The following KCNQ1 variants were observed in gnomAD, a reference collection of about 807,000 sequenced individuals.
KCNQ1 encodes potassium voltage-gated channel subfamily KQT member 1.
KCNQ1 carries 49 observed loss-of-function variants against 72.4 expected under a neutral mutation model. That is an observed-to-expected ratio of 0.68 (90% confidence interval 0.54 to 0.86). KCNQ1 has a LOEUF of 0.86. Among genes scored for constraint, KCNQ1 ranks in the 40% least tolerant of loss-of-function variants. The pLI, the probability that KCNQ1 is intolerant of heterozygous loss-of-function variation, is 0.00. For synonymous variants in KCNQ1, 450 were observed against 412.6 expected (o/e 1.09, Z -1.10); for missense variants, 790 against 945.1 (o/e 0.84, Z 2.15).
rs141879881 is a variant in KCNQ1, at chr11:2,670,207, G to A, written c.1514+8126G>A. 1.7e-3 allele frequency: 676 copies of A among 398,592 alleles called. 3 individuals carry two copies. The highest frequency in any genetic ancestry group is 5.7e-3 in the Middle Eastern group (9 of 1,590). 24.7% of individuals were successfully genotyped at this position (398,592 alleles called of 1,614,324 possible). On this transcript the variant is annotated intron_variant, in intron 11 of 15. Coordinates refer to ENST00000155840, the MANE Select transcript of KCNQ1 (RefSeq NM_000218.3). This position sits in a 1 kb window ranked among gnomAD's most constrained non-coding sequence, Gnocchi z 4.9. ...ATTAAAGCAGAGTGAAGAGCAGGGC[G>A]AGCTGTGTAGCTCACCTGCCTTTGA...
At position 2,840,739 on chromosome 11, in the gene KCNQ1, G is replaced by A. The variant is rs541466362; in HGVS notation, c.1795-7028G>A. On this transcript the variant is annotated intron_variant, in intron 15 of 15. Transcript: ENST00000155840. The stretch of plus-strand genomic sequence containing the variant: ...GGAAAAACATGTGTGATGTGTACTT[G>A]ACATCTTTCTTAACATAGAGTCCTT... 7.2e-5 allele frequency among the ~76,000 whole-genome samples: 11 copies of A among 152,308 alleles called. No individual in the cohort carries two copies. In the South Asian group the frequency reaches 1.7e-3, roughly 23 times the overall value.
In KCNQ1 at chr11:2,676,091, G is replaced by A. The variant is rs1850288607; in HGVS notation, c.1514+14010G>A. 2.5e-6 allele frequency: 1 copy of A among 398,500 alleles called. No individual in the cohort carries two copies. Among genetic ancestry groups the A allele is most frequent in the African/African-American group, 2.1e-5 (1 of 48,608 alleles). The allele number at this position is 398,500 out of a possible 1,614,324, so 24.7% of individuals were successfully genotyped here. On this transcript the variant is annotated intron_variant, in intron 11 of 15. Transcript: ENST00000155840. This position sits in a 1 kb window ranked among gnomAD's most constrained non-coding sequence, Gnocchi z 4.2. ...TATATAAACAAATATACGTGTGTCTGTGTGTGCATGTACTTAGTAGATACG... is the reference window on the plus strand; with the variant it reads ...TATATAAACAAATATACGTGTGTCTATGTGTGCATGTACTTAGTAGATACG...
chr11:2,796,774 C>T (rs1165167524), intron 15 of KCNQ1, among the ~76,000 whole-genome samples: 3 of 152,336 alleles, frequency 2.0e-5, no homozygotes, highest in South Asian at 2.1e-4. Context: ...CAGCGGCTCT[C>T]GGCCTGTCCT....
intron 11 of KCNQ1, chr11:2,667,472 G>C: frequency 2.5e-6 from 1 of 398,270 alleles, no homozygotes. Context: ...TGGTGTTGGA[G>C]GATGTGACAG....
chr11:2,791,515 AGAT>A (rs1847021877), intron 15 of KCNQ1, among the ~76,000 whole-genome samples: 2 of 152,044 alleles, frequency 1.3e-5, no homozygotes, highest in African/African-American at 4.8e-5. Flanking sequence ...CATCAAAAAT[AGAT>A]GTCCCGACCC....
chr11:2,630,300 A>T (rs1300702426), intron 10 of KCNQ1: 2 of 398,260 alleles, frequency 5.0e-6, no homozygotes, highest in Non-Finnish European at 8.9e-6. Flanking sequence ...TGTGCTGTTA[A>T]ATTCAGTTTG....
At position 2,450,134 on chromosome 11, in the gene KCNQ1, A is replaced by G. The variant is rs979458551; in HGVS notation, c.386+4650A>G. ...GCCCTCCGTAGCCCTGACATTCCAA[A>G]CTGGCTTTTGGCCCCTGCGATATCT... On this transcript the variant is annotated intron_variant, in intron 1 of 15. Transcript: ENST00000155840. This position sits in a 1 kb window ranked among gnomAD's most constrained non-coding sequence, Gnocchi z 7.9. 7.2e-5 allele frequency among the ~76,000 whole-genome samples: 11 copies of G among 152,154 alleles called. No homozygotes were observed. Among genetic ancestry groups the G allele is most frequent in the African/African-American group, 2.7e-4 (11 of 41,504 alleles).
Position 2,657,520 on chromosome 11 carries a change from T to G in KCNQ1, c.1394-4441T>G. ...TTTATTTACAGAAGAGAAACAAAAA[T>G]AGTACCGAGTACCCACATCCCTTTC... is the stretch of plus-strand genomic sequence containing the variant. On this transcript the variant is annotated intron_variant, in intron 10 of 15. Transcript: ENST00000155840. The surrounding 1 kb of genome is among the most constrained non-coding windows in gnomAD (Gnocchi z 4.8). 2.5e-6 allele frequency: 1 copy of G among 398,584 alleles called. No individual in the cohort carries two copies. Among genetic ancestry groups the G allele is most frequent in the East Asian group, 3.6e-5 (1 of 28,054 alleles). The allele number at this position is 398,584 out of a possible 1,614,324, so 24.7% of individuals were successfully genotyped here.
At position 2,601,823 on chromosome 11, in the gene KCNQ1, A is replaced by G. The variant is rs898273479; in HGVS notation, c.1393+12969A>G. On this transcript the variant is annotated intron_variant, in intron 10 of 15. Transcript: ENST00000155840. The surrounding 1 kb of genome is among the most constrained non-coding windows in gnomAD (Gnocchi z 5.2). ...AGTTTATTTAACCATTCCCTCATCC[A>G]AGGACATGTGGGTCATTCCCAGTTT... Among the ~76,000 whole-genome samples the G allele has an allele frequency of 1.6e-4, 24 of 152,332 alleles. No homozygotes were observed. The highest frequency in any genetic ancestry group is 5.3e-4 in the African/African-American group (22 of 41,576).
intron 15 of KCNQ1, among the ~76,000 whole-genome samples, chr11:2,836,504 C>A (rs567477192): frequency 1.2e-4 from 18 of 152,294 alleles, no homozygotes; most frequent in African/African-American, 4.1e-4. Flanking sequence ...GAAGAGGGGA[C>A]CCCTCCCCCC....
At chr11:2,578,957 T>C (rs761023629) in intron 6 of KCNQ1, among the ~76,000 whole-genome samples, 6 of 152,196 alleles carry the variant, frequency 3.9e-5, no homozygotes, top group Non-Finnish European at 7.4e-5. Flanking sequence ...TCGTAGATGA[T>C]CTTGACCTGA....
At position 2,563,271 on chromosome 11, in the gene KCNQ1, C is replaced by T. The variant is rs567360216; in HGVS notation, c.478-7357C>T. 2.2e-4 allele frequency among the ~76,000 whole-genome samples: 34 copies of T among 152,336 alleles called. No homozygotes were observed. Among genetic ancestry groups the T allele is most frequent in the Admixed American group, 4.6e-4 (7 of 15,302 alleles). On this transcript the variant is annotated intron_variant, in intron 2 of 15. Coordinates refer to ENST00000155840, the MANE Select transcript of KCNQ1 (RefSeq NM_000218.3). This position sits in a 1 kb window ranked among gnomAD's most constrained non-coding sequence, Gnocchi z 7.4. ...TGGCCAGGTCGACCTTCAGCCTTCTCGGAGAACACCGGTTCCACGGCCGGT... is the reference window on the plus strand; with the variant it reads ...TGGCCAGGTCGACCTTCAGCCTTCTTGGAGAACACCGGTTCCACGGCCGGT...
At position 2,599,772 on chromosome 11, in the gene KCNQ1, T is replaced by C. The variant is rs1848775560; in HGVS notation, c.1393+10918T>C. Among the ~76,000 whole-genome samples the C allele has an allele frequency of 1.3e-5, 2 of 152,186 alleles. No homozygotes were observed. Among genetic ancestry groups the C allele is most frequent in the Admixed American group, 6.5e-5 (1 of 15,278 alleles). On this transcript the variant is annotated intron_variant, in intron 10 of 15. Transcript: ENST00000155840. The surrounding 1 kb of genome is among the most constrained non-coding windows in gnomAD (Gnocchi z 4.7). ...CCTGGTGTTTCTCTGTGTGTCCAAA[T>C]ATCCTTTTCTTTAAGGGCACCAGTC... is the stretch of plus-strand genomic sequence containing the variant.
At position 2,811,945 on chromosome 11, in the gene KCNQ1, C is replaced by T. The variant is rs192765740; in HGVS notation, c.1794+33908C>T. ...GTGGGACAGTCCTCACAGGGGCATG[C>T]TCAGGCCCTGCCCCAGGCAGACCCC... is the stretch of plus-strand genomic sequence containing the variant. On this transcript the variant is annotated intron_variant, in intron 15 of 15. Transcript: ENST00000155840. 1.8e-3 allele frequency among the ~76,000 whole-genome samples: 270 copies of T among 152,320 alleles called. 1 individual carries two copies. The highest frequency in any genetic ancestry group is 5.6e-3 in the African/African-American group (233 of 41,578).
In KCNQ1 at chr11:2,669,497, C is replaced by G; in HGVS notation, c.1514+7416C>G. 2.5e-6 allele frequency: 1 copy of G among 398,636 alleles called. No individual in the cohort carries two copies. Among genetic ancestry groups the G allele is most frequent in the Non-Finnish European group, 4.4e-6 (1 of 226,070 alleles). The allele number at this position is 398,636 out of a possible 1,614,324, so 24.7% of individuals were successfully genotyped here. A position where few individuals can be genotyped will look rare whatever the true frequency, so the allele number is the denominator to read the frequency against. ...CATGAACAGCTTGTCAGATTCATTC[C>G]TTGTCAGCTAATGGTTTGATGTATG... On this transcript the variant is annotated intron_variant, in intron 11 of 15. Coordinates refer to ENST00000155840, the MANE Select transcript of KCNQ1 (RefSeq NM_000218.3). This position sits in a 1 kb window ranked among gnomAD's most constrained non-coding sequence, Gnocchi z 5.6.
In KCNQ1 at chr11:2,745,126, G is replaced by A. The variant is rs905220791; in HGVS notation, c.1515-23718G>A. On this transcript the variant is annotated intron_variant, in intron 11 of 15. Transcript: ENST00000155840. The surrounding 1 kb of genome is among the most constrained non-coding windows in gnomAD (Gnocchi z 6.2). ...TTTTTAAGTTTGACTTATCTGTTTG[G>A]GACCTTTATTCCTCCATGCCAACTT... Among the ~76,000 whole-genome samples, 12 of 152,046 alleles carry A rather than the reference G, an allele frequency of 7.9e-5. No homozygotes were observed. The highest frequency in any genetic ancestry group is 7.9e-4 in the Admixed American group (12 of 15,264).
In KCNQ1 at chr11:2,668,514, G is replaced by C. The variant is rs1047149402; in HGVS notation, c.1514+6433G>C. The C allele has an allele frequency of 2.5e-6, 1 of 398,582 alleles. No homozygotes were observed. The highest frequency in any genetic ancestry group is 4.4e-6 in the Non-Finnish European group (1 of 226,070). 24.7% of individuals were successfully genotyped at this position (398,582 alleles called of 1,614,324 possible). A position where few individuals can be genotyped will look rare whatever the true frequency, so the allele number is the denominator to read the frequency against. On this transcript the variant is annotated intron_variant, in intron 11 of 15. Coordinates refer to ENST00000155840, the MANE Select transcript of KCNQ1 (RefSeq NM_000218.3). The surrounding 1 kb of genome is among the most constrained non-coding windows in gnomAD (Gnocchi z 4.3). ...GGTGAATGTCTAGCAGCATCAAATG[G>C]TGATTTTAATTTGCAGTAACCTGTT...
At chr11:2,689,827 C>T (rs565673449) in intron 11 of KCNQ1, 2 of 398,772 alleles carry the variant, frequency 5.0e-6, no homozygotes, top group Admixed American at 8.8e-5. Flanking sequence ...TTGGCCCTCC[C>T]AGGTGCCTGG....
At chr11:2,568,536 GCCC>G (rs1848279664) in intron 2 of KCNQ1, among the ~76,000 whole-genome samples, 1 of 152,222 alleles carries the variant, frequency 6.6e-6, no homozygotes, top group African/African-American at 2.4e-5. Context: ...TGGTGTCCAG[GCCC>G]GGTCTCCCTA....
Sources: allele counts gnomAD v4.1 joint callset (sites outside exome capture counted in the v4.1 genomes callset), GRCh38; gene constraint gnomAD v4.1.1; non-coding constraint Gnocchi (gnomAD v3.1); transcripts MANE v1.5; gene names NCBI Gene and HGNC (gene_info 2026-07-23, HGNC 2026-07-21).